The following RALYL variants were observed in gnomAD, a reference collection of about 807,000 sequenced individuals.
The protein encoded by RALYL is RALY RNA binding protein like.
Under a neutral mutation model 35.1 loss-of-function variants are expected in RALYL, and 29 were observed. The ratio of observed to expected loss-of-function variants is 0.83; its 90% CI spans 0.61 to 1.13. The LOEUF (loss-of-function observed/expected upper bound fraction) is 1.13, where lower values mean the gene tolerates loss of function less well. RALYL is among the 50% of genes most tolerant of loss of function. The pLI is 0.00. For missense variants in RALYL, 359 were observed against 360.4 expected (o/e 1.00, Z 0.03); for synonymous variants, 120 against 127.6 (o/e 0.94, Z 0.40).
At chr8:84,800,888 T>C (rs1397033359) in intron 3 of RALYL, among the ~76,000 whole-genome samples, 1 of 152,178 alleles carries the variant, frequency 6.6e-6, no homozygotes, top group East Asian at 1.9e-4. Flanking sequence ...TTAACCTGTT[T>C]CTGGTATGGT....
At chr8:84,887,873 C>CT in intron 8 of RALYL, 97 bp downstream of exon 8, 2 of 1,064,312 alleles carry the variant, frequency 1.9e-6, no homozygotes, top group Non-Finnish European at 2.8e-6. Flanking sequence ...TCATTTGGGG[C>CT]TTATTTCTCT....
intron 2 of RALYL, among the ~76,000 whole-genome samples, chr8:84,744,166 G>A (rs1210304041): frequency 6.6e-6 from 1 of 151,988 alleles, no homozygotes; most frequent in Non-Finnish European, 1.5e-5. Context: ...GTTAGATATT[G>A]GAGAATTGTG....
intron 2 of RALYL, among the ~76,000 whole-genome samples, chr8:84,539,866 ATATATATATATGTATATATATGTGTG>A (rs2059893863): frequency 4.7e-4 from 3 of 6,440 alleles, no homozygotes; most frequent in Non-Finnish European, 7.3e-4. Context: ...ATATATATAT[ATATATATATATGTATATATATGTGTG>A]TGTGTGTGTG....
At chr8:84,604,712 T>G (rs1000414103) in intron 2 of RALYL, among the ~76,000 whole-genome samples, 6 of 152,136 alleles carry the variant, frequency 3.9e-5, no homozygotes, top group Non-Finnish European at 5.9e-5. Flanking sequence ...TCCCTTAACC[T>G]CATATCAATT....
chr8:84,190,891 T>G (rs1289459933), intron 1 of RALYL, among the ~76,000 whole-genome samples: 1 of 151,544 alleles, frequency 6.6e-6, no homozygotes, highest in African/African-American at 2.4e-5. Flanking sequence ...TGAGTGAATG[T>G]AAAAGGGGCT....
chr8:84,431,283 T>C (rs2047110191), intron 1 of RALYL, among the ~76,000 whole-genome samples: 1 of 152,076 alleles, frequency 6.6e-6, no homozygotes, highest in Non-Finnish European at 1.5e-5. Context: ...AAGCCAGGCA[T>C]TTTGACTCCA....
At chr8:84,634,750 T>G (rs1475490754) in intron 2 of RALYL, among the ~76,000 whole-genome samples, 1 of 151,776 alleles carries the variant, frequency 6.6e-6, no homozygotes, top group Non-Finnish European at 1.5e-5. Flanking sequence ...CATAGTATAG[T>G]GTGTCCCAGA....
At chr8:84,547,681 G>A (rs2060456244) in intron 2 of RALYL, among the ~76,000 whole-genome samples, 1 of 151,934 alleles carries the variant, frequency 6.6e-6, no homozygotes, top group Admixed American at 6.6e-5. Context: ...ACTCAGCCAA[G>A]TTTTTTCCTT....
intron 1 of RALYL, among the ~76,000 whole-genome samples, chr8:84,422,294 G>C (rs1199561699): frequency 1.8e-5 from 2 of 113,694 alleles, no homozygotes; most frequent in South Asian, 7.0e-4. Context: ...TATGTGTCGA[G>C]GAATTTATCC....
rs527290863 is a variant in RALYL, at chr8:84,580,984, T to A, written c.256+51407T>A. The stretch of plus-strand genomic sequence containing the variant: ...GTTCACTCACATATCTGTTGCCTAA[T>A]CTGGGTTAACTTAAAGACAAGGATG... On this transcript the variant is annotated intron_variant, in intron 2 of 8. Transcript: ENST00000521268. Among the ~76,000 whole-genome samples, 3 of 152,296 alleles carry A rather than the reference T, an allele frequency of 2.0e-5. No individual in the cohort carries two copies. In the East Asian group the frequency reaches 5.8e-4, roughly 29 times the overall value.
At chr8:84,785,275 T>A (rs1396024269) in intron 3 of RALYL, among the ~76,000 whole-genome samples, 1 of 152,190 alleles carries the variant, frequency 6.6e-6, no homozygotes, top group Non-Finnish European at 1.5e-5. Context: ...GATTTCAGTG[T>A]TCATTAGAAG....
chr8:84,511,462 G>A (rs2057615277), intron 1 of RALYL, among the ~76,000 whole-genome samples: 1 of 152,116 alleles, frequency 6.6e-6, no homozygotes, highest in Non-Finnish European at 1.5e-5. Context: ...GGGTACATGT[G>A]ATATTTTGAT....
chr8:84,195,438 C>T (rs1815044330), intron 1 of RALYL, among the ~76,000 whole-genome samples: 1 of 151,914 alleles, frequency 6.6e-6, no homozygotes, highest in East Asian at 1.9e-4. Context: ...GACTCCATCT[C>T]AAAAAAATAA....
chr8:84,211,609 G>A (rs1241031649), intron 1 of RALYL, among the ~76,000 whole-genome samples: 5 of 152,040 alleles, frequency 3.3e-5, no homozygotes, highest in African/African-American at 9.7e-5. Context: ...TTTGAAAATG[G>A]CTGTAAGGTT....
intron 2 of RALYL, among the ~76,000 whole-genome samples, chr8:84,702,303 A>T (rs758999822): frequency 7.2e-5 from 11 of 152,138 alleles, no homozygotes; most frequent in Non-Finnish European, 1.3e-4. Context: ...GAAGCTACCC[A>T]GTGCATTGCC....
At chr8:84,238,138 C>A (rs527529180) in intron 1 of RALYL, among the ~76,000 whole-genome samples, 1 of 151,918 alleles carries the variant, frequency 6.6e-6, no homozygotes, top group East Asian at 1.9e-4. Flanking sequence ...GTAGAATGAC[C>A]CACACTTTCT....
intron 4 of RALYL, among the ~76,000 whole-genome samples, chr8:84,809,190 A>C (rs1212886351): frequency 5.3e-5 from 8 of 151,916 alleles, no homozygotes; most frequent in African/African-American, 1.9e-4. Context: ...TTTAACCATA[A>C]AAGGATGCTG....
At chr8:84,376,947 A>T (rs1490363598) in intron 1 of RALYL, among the ~76,000 whole-genome samples, 1 of 151,844 alleles carries the variant, frequency 6.6e-6, no homozygotes, top group Non-Finnish European at 1.5e-5. Context: ...GTTAAAATAC[A>T]TACAGTGAAG....
At chr8:84,709,283 A>G (rs1038242315) in intron 2 of RALYL, among the ~76,000 whole-genome samples, 3 of 152,000 alleles carry the variant, frequency 2.0e-5, no homozygotes, top group Non-Finnish European at 4.4e-5. Flanking sequence ...ATGGTTTCTC[A>G]TTGACTAGAT....
Sources: gnomAD v4.1 joint callset for allele counts (sites outside exome capture counted in the v4.1 genomes callset) on GRCh38, gnomAD v4.1.1 for gene constraint, MANE v1.5 for transcripts, NCBI Gene and HGNC (gene_info 2026-07-23, HGNC 2026-07-21) for gene names.